ITGB5: variants seen among roughly 807,000 people sequenced by gnomAD.
The protein encoded by ITGB5 is integrin beta-5.
In ITGB5, 38 loss-of-function variants were observed where a neutral mutation model predicts 84.8. That is an observed-to-expected ratio of 0.45 (90% confidence interval 0.35 to 0.59). ITGB5 has a LOEUF of 0.59. ITGB5 is among the 20% of genes least tolerant of loss of function. The pLI, the probability that ITGB5 is intolerant of heterozygous loss-of-function variation, is 0.01. For synonymous variants in ITGB5, 393 were observed against 414.4 expected, an observed-to-expected ratio of 0.95 and a Z score of 0.63; for missense variants, 905 against 1,034.5, an observed-to-expected ratio of 0.87 and a Z score of 1.72.
intron 9 of ITGB5, among the ~76,000 whole-genome samples, chr3:124,806,949 T>C: frequency 6.6e-6 from 1 of 152,156 alleles, no homozygotes; most frequent in East Asian, 1.9e-4. Flanking sequence ...CGATGTAAAA[T>C]AATATTAATT....
At chr3:124,851,490 A>C (rs375394731) in intron 3 of ITGB5, among the ~76,000 whole-genome samples, 2 of 152,138 alleles carry the variant, frequency 1.3e-5, no homozygotes, top group East Asian at 3.8e-4. Context: ...TTTTCCAGAC[A>C]TGAGGGCTGA....
At chr3:124,771,216 C>T (rs1185268572) in intron 11 of ITGB5, among the ~76,000 whole-genome samples, 1 of 152,124 alleles carries the variant, frequency 6.6e-6, no homozygotes, top group Admixed American at 6.5e-5. Flanking sequence ...TGAGTGTGAA[C>T]TCACCCAAAG....
At chr3:124,834,178 G>C (rs2064896026) in intron 5 of ITGB5, among the ~76,000 whole-genome samples, 1 of 151,982 alleles carries the variant, frequency 6.6e-6, no homozygotes, top group African/African-American at 2.4e-5. Context: ...AAAACCCACA[G>C]AACTGTACAA....
At chr3:124,828,371 C>T (rs780788257) in intron 5 of ITGB5, among the ~76,000 whole-genome samples, 7 of 152,096 alleles carry the variant, frequency 4.6e-5, no homozygotes, top group East Asian at 3.8e-4. Flanking sequence ...GATACACTAA[C>T]GGCGTGAATG....
intron 1 of ITGB5, among the ~76,000 whole-genome samples, chr3:124,879,435 T>C (rs1934473348): frequency 6.6e-6 from 1 of 152,234 alleles, no homozygotes; most frequent in African/African-American, 2.4e-5. Context: ...GCCCTCACAT[T>C]TGTCACACAA....
At chr3:124,870,428 CAGAT>C (rs1298625937) in intron 2 of ITGB5, among the ~76,000 whole-genome samples, 1 of 152,170 alleles carries the variant, frequency 6.6e-6, no homozygotes, top group African/African-American at 2.4e-5. Flanking sequence ...ATGAAGAAAA[CAGAT>C]AGAACCCCTG....
chr3:124,809,676 T>C (rs995827965), intron 8 of ITGB5, among the ~76,000 whole-genome samples: 1 of 152,092 alleles, frequency 6.6e-6, no homozygotes, highest in Non-Finnish European at 1.5e-5. Flanking sequence ...TTCACATCCA[T>C]ACCTATCCCC....
chr3:124,769,204 A>C, intron 11 of ITGB5, 91 bp from the exon 12 acceptor site: 1 of 944,902 alleles, frequency 1.1e-6, no homozygotes, highest in Non-Finnish European at 1.6e-6. Flanking sequence ...GGACCTGGGA[A>C]GGCTTTCACT....
At chr3:124,821,618 A>C in intron 5 of ITGB5, 144 bp from the exon 6 acceptor site, 2 of 865,752 alleles carry the variant, frequency 2.3e-6, no homozygotes, top group Non-Finnish European at 3.7e-6. Flanking sequence ...CACTCACAAA[A>C]CCACTGGGGA....
chr3:124,881,961 C>T (rs1183741999), intron 1 of ITGB5, among the ~76,000 whole-genome samples: 1 of 152,102 alleles, frequency 6.6e-6, no homozygotes, highest in African/African-American at 2.4e-5. Context: ...GAGTGAGACT[C>T]CAATTAAAAA....
At chr3:124,768,732 T>C (rs752271137) in intron 12 of ITGB5, among the ~76,000 whole-genome samples, 5 of 152,264 alleles carry the variant, frequency 3.3e-5, no homozygotes, top group Admixed American at 1.3e-4. Context: ...CATGGACATA[T>C]GGACCTAATC....
At position 124,817,703 on chromosome 3, in the gene ITGB5, G is replaced by A; in HGVS notation, c.1046C>T (p.Thr349Ile). Residue 349 changes from threonine to isoleucine, a missense_variant, in exon 8 of 15, where the codon ACA becomes ATA. Thr to Ile is a moderately conservative substitution (Grantham distance 89). Coordinates refer to ENST00000296181, the MANE Select transcript of ITGB5 (RefSeq NM_002213.5). ...CACCGTTGTTCCAGGTATCAGGGCT[G>A]TAAAATTCTTGGGAAAAAAAGTAAA... is the stretch of plus-strand genomic sequence containing the variant. ...KNHYMLYKNF[T>I]ALIPGTTVEI... 2 of 1,579,364 alleles carry A rather than the reference G, an allele frequency of 1.3e-6. No individual in the cohort carries two copies. Among genetic ancestry groups the A allele is most frequent in the Non-Finnish European group, 1.7e-6 (2 of 1,161,290 alleles).
intron 10 of ITGB5, among the ~76,000 whole-genome samples, chr3:124,782,796 G>T (rs775945927): frequency 2.6e-5 from 4 of 152,064 alleles, no homozygotes; most frequent in Non-Finnish European, 5.9e-5. Flanking sequence ...AGGTGGAGGA[G>T]GTTGCAGTGA....
chr3:124,873,081 C>T (rs1363491063), intron 2 of ITGB5, among the ~76,000 whole-genome samples: 1 of 152,196 alleles, frequency 6.6e-6, no homozygotes, highest in Non-Finnish European at 1.5e-5. Flanking sequence ...ACATGCCAGC[C>T]ATCTAGATAT....
chr3:124,798,119 C>G (rs532631006), intron 9 of ITGB5, among the ~76,000 whole-genome samples: 2 of 135,214 alleles, frequency 1.5e-5, no homozygotes, highest in Non-Finnish European at 3.0e-5. Flanking sequence ...GTGGCATGCA[C>G]TCAGCTCACT....
chr3:124,899,686 G>A (rs1935180249), intron 1 of ITGB5, among the ~76,000 whole-genome samples: 1 of 151,430 alleles, frequency 6.6e-6, no homozygotes, highest in Admixed American at 6.6e-5. Context: ...AGACTTCATC[G>A]CTCCAAAATA....
intron 9 of ITGB5, among the ~76,000 whole-genome samples, chr3:124,803,018 G>T (rs2064340026): frequency 6.6e-6 from 1 of 152,226 alleles, no homozygotes; most frequent in South Asian, 2.1e-4. Flanking sequence ...CCCACAGGAA[G>T]AGCTGTCAAA....
At chr3:124,791,802 C>T (rs1005060408) in intron 10 of ITGB5, 5 of 152,164 alleles carry the variant, frequency 3.3e-5, no homozygotes, top group African/African-American at 9.7e-5. Flanking sequence ...CAGATGTAGC[C>T]GTGACCCAAG....
chr3:124,899,396 A>G (rs1459230988), intron 1 of ITGB5, among the ~76,000 whole-genome samples: 1 of 152,172 alleles, frequency 6.6e-6, no homozygotes, highest in African/African-American at 2.4e-5. Context: ...ACTTGGACCC[A>G]GTCAGGAGGC....
Sources: gnomAD v4.1 joint callset for allele counts (sites outside exome capture counted in the v4.1 genomes callset) on GRCh38, gnomAD v4.1.1 for gene constraint, MANE v1.5 for transcripts, NCBI Gene and HGNC (gene_info 2026-07-23, HGNC 2026-07-21) for gene names.